SMYD3: variants seen among roughly 807,000 people sequenced by gnomAD.
The protein encoded by SMYD3 is SET and MYND domain containing 3, also known as histone-lysine N-methyltransferase SMYD3.
Under a neutral mutation model 57.7 loss-of-function variants are expected in SMYD3, and 36 were observed. The ratio of observed to expected loss-of-function variants is 0.62; its 90% CI spans 0.48 to 0.82. The LOEUF (loss-of-function observed/expected upper bound fraction) is 0.82, where lower values mean the gene tolerates loss of function less well. Ranked by LOEUF, SMYD3 falls within the 40% of genes least tolerant of loss-of-function variation. The probability of loss-of-function intolerance (pLI) is 0.00; values close to 1 mark genes in which losing one functional copy is unlikely to be tolerated. For synonymous variants in SMYD3, 211 were observed against 195.0 expected (o/e 1.08, Z -0.68); for missense variants, 515 against 538.8 (o/e 0.96, Z 0.44).
At chr1:245,867,666 GCGCACACACA>G (rs2051948361) in intron 8 of SMYD3, among the ~76,000 whole-genome samples, 1 of 139,824 alleles carries the variant, frequency 7.2e-6, no homozygotes, top group African/African-American at 2.6e-5. Flanking sequence ...GTGCGTGCGC[GCGCACACACA>G]CACACACACA....
intron 5 of SMYD3, among the ~76,000 whole-genome samples, chr1:246,273,616 G>C (rs6663090): frequency 0.38 from 49,043 of 129,074 alleles, 9,581 homozygotes; most frequent in East Asian, 0.73. Context: ...CAGAGTGTTG[G>C]TCTTGTCGCC....
At chr1:246,475,978 G>A (rs2068025661) in intron 1 of SMYD3, among the ~76,000 whole-genome samples, 2 of 152,130 alleles carry the variant, frequency 1.3e-5, no homozygotes, top group South Asian at 4.1e-4. Flanking sequence ...AAGGTTATAA[G>A]CTATCTAGAT....
chr1:246,170,920 GT>G lies in SMYD3; in HGVS notation c.531+156280del, dbSNP rs377021579. 3.2e-4 allele frequency among the ~76,000 whole-genome samples: 49 copies of G among 151,970 alleles called. No individual in the cohort carries two copies. In the East Asian group the frequency reaches 9.1e-3, roughly 28 times the overall value. On this transcript the variant is annotated intron_variant, in intron 5 of 11. Coordinates refer to ENST00000490107, the MANE Select transcript of SMYD3 (RefSeq NM_001167740.2). ...ATACTGTATTTTGCAAAACCTTTCA[GT>G]TTTTTTATATGCAAAATTCATGTTA...
At chr1:245,901,389 G>T (rs544450628) in intron 8 of SMYD3, among the ~76,000 whole-genome samples, 1 of 152,270 alleles carries the variant, frequency 6.6e-6, no homozygotes, top group Admixed American at 6.5e-5. Flanking sequence ...TAGACAATCT[G>T]ATTATGTGAA....
At chr1:245,988,795 G>C (rs964092296) in intron 5 of SMYD3, among the ~76,000 whole-genome samples, 1 of 152,210 alleles carries the variant, frequency 6.6e-6, no homozygotes, top group Non-Finnish European at 1.5e-5. Context: ...CCAAAATTGG[G>C]CCAATCAGAG....
intron 5 of SMYD3, among the ~76,000 whole-genome samples, chr1:246,265,962 T>C (rs2064097910): frequency 6.6e-6 from 1 of 152,242 alleles, no homozygotes; most frequent in South Asian, 2.1e-4. Context: ...TGAATGTTTT[T>C]AACACTGAAG....
chr1:245,915,749 A>C (rs1371352976), intron 7 of SMYD3, 109 bp from the exon 8 acceptor site: 1 of 636,300 alleles, frequency 1.6e-6, no homozygotes, highest in African/African-American at 1.8e-5. Context: ...TTTTATTATA[A>C]ACCAAAAATA....
intron 8 of SMYD3, among the ~76,000 whole-genome samples, chr1:245,895,553 T>C (rs1382603439): frequency 1.3e-5 from 2 of 152,234 alleles, no homozygotes; most frequent in African/African-American, 4.8e-5. Context: ...TGCTCCCATT[T>C]CAAATAGACT....
At chr1:246,185,707 G>T (rs1157370219) in intron 5 of SMYD3, among the ~76,000 whole-genome samples, 6 of 152,088 alleles carry the variant, frequency 3.9e-5, no homozygotes, top group Non-Finnish European at 5.9e-5. Context: ...GTGATCACCC[G>T]CCTCGGCCTC....
At chr1:245,871,550 A>T (rs2052193009) in intron 8 of SMYD3, among the ~76,000 whole-genome samples, 1 of 152,242 alleles carries the variant, frequency 6.6e-6, no homozygotes, top group Non-Finnish European at 1.5e-5. Flanking sequence ...ATCAAATTGT[A>T]GTATGTTCTA....
At chr1:245,846,749 T>C (rs1282034161) in intron 10 of SMYD3, among the ~76,000 whole-genome samples, 2 of 152,210 alleles carry the variant, frequency 1.3e-5, no homozygotes, top group East Asian at 1.9e-4. Flanking sequence ...GTAGAGTCCT[T>C]AAAGTCCTTT....
intron 11 of SMYD3, among the ~76,000 whole-genome samples, chr1:245,756,799 CTT>C (rs34298332): frequency 4.2e-5 from 6 of 141,814 alleles, no homozygotes; most frequent in Non-Finnish European, 6.2e-5. Context: ...GCTTTTAGGA[CTT>C]TTTTTTTTTT....
intron 1 of SMYD3, among the ~76,000 whole-genome samples, chr1:246,376,968 C>T (rs1228600366): frequency 1.3e-5 from 2 of 151,826 alleles, no homozygotes; most frequent in Non-Finnish European, 2.9e-5. Context: ...GGCATGGTGG[C>T]GCACAACTGT....
intron 10 of SMYD3, among the ~76,000 whole-genome samples, chr1:245,810,789 C>T (rs1229631578): frequency 6.6e-6 from 1 of 151,328 alleles, no homozygotes; most frequent in Non-Finnish European, 1.5e-5. Context: ...TCAAAGAATT[C>T]CCCAACAGCA....
intron 5 of SMYD3, among the ~76,000 whole-genome samples, chr1:246,179,877 CA>C (rs1252512466): frequency 2.6e-5 from 4 of 152,036 alleles, no homozygotes; most frequent in African/African-American, 9.7e-5. Flanking sequence ...CTTGTTATTC[CA>C]AAAGCTCTGG....
chr1:245,990,578 T>G (rs1447321849), intron 5 of SMYD3, among the ~76,000 whole-genome samples: 2 of 152,186 alleles, frequency 1.3e-5, no homozygotes. Context: ...AACACCTGAT[T>G]ACCTTCTCAA....
rs745453274 is a variant in SMYD3, at chr1:246,046,995, T to C, written c.532-117058A>G. 1.6e-4 allele frequency among the ~76,000 whole-genome samples: 24 copies of C among 152,174 alleles called. No individual in the cohort carries two copies. In the South Asian group the frequency reaches 1.9e-3, roughly 12 times the overall value. On this transcript the variant is annotated intron_variant, in intron 5 of 11. Coordinates refer to ENST00000490107, the MANE Select transcript of SMYD3 (RefSeq NM_001167740.2). Reference sequence around the variant, plus strand: ...ACAAACAGAAAATATTATTGAAAGATATAAAATACCATATGAACAAAAAGA... The same window carrying C: ...ACAAACAGAAAATATTATTGAAAGACATAAAATACCATATGAACAAAAAGA...
intron 5 of SMYD3, among the ~76,000 whole-genome samples, chr1:246,270,146 G>A (rs1018928220): frequency 1.6e-4 from 24 of 152,042 alleles, no homozygotes; most frequent in African/African-American, 5.6e-4. Context: ...CTACCCATAG[G>A]AAGACAGTGA....
At chr1:245,813,182 T>C (rs570888423) in intron 10 of SMYD3, among the ~76,000 whole-genome samples, 1 of 151,906 alleles carries the variant, frequency 6.6e-6, no homozygotes, top group South Asian at 2.1e-4. Flanking sequence ...GCCCGGCTAA[T>C]TTTTGTATTT....
Sources: gnomAD v4.1 joint callset for allele counts (sites outside exome capture counted in the v4.1 genomes callset) on GRCh38, gnomAD v4.1.1 for gene constraint, MANE v1.5 for transcripts, NCBI Gene and HGNC (gene_info 2026-07-23, HGNC 2026-07-21) for gene names.